Variants in DNAH11 observed in about 807,000 individuals in gnomAD.
DNAH11 encodes the protein axonemal beta dynein heavy chain 11.
In DNAH11, 442 loss-of-function variants were observed where a neutral mutation model predicts 526.0. The observed-to-expected ratio is 0.84, with a 90% confidence interval of 0.78 to 0.91. The LOEUF is 0.91. Among genes scored for constraint, DNAH11 ranks in the 40% least tolerant of loss-of-function variants. The pLI is 0.00. For synonymous variants in DNAH11, 2,461 were observed against 1,935.9 expected (o/e 1.27, Z -7.12); for missense variants, 6,989 against 5,448.7 (o/e 1.28, Z -8.90).
At chr7:21,690,233 C>G (rs1202191218) in intron 34 of DNAH11, among the ~76,000 whole-genome samples, 1 of 152,130 alleles carries the variant, frequency 6.6e-6, no homozygotes, top group Non-Finnish European at 1.5e-5. Context: ...TGCCTGGTAT[C>G]TGAATACTCA....
intron 76 of DNAH11, 105 bp downstream of exon 76, chr7:21,884,515 A>T (rs1784049468): frequency 8.1e-7 from 1 of 1,232,130 alleles, no homozygotes; most frequent in Non-Finnish European, 1.1e-6. Context: ...AATGTTATTG[A>T]GGATGCTTGG....
At chr7:21,575,475 T>C (rs1784055251) in intron 8 of DNAH11, among the ~76,000 whole-genome samples, 1 of 152,272 alleles carries the variant, frequency 6.6e-6, no homozygotes, top group African/African-American at 2.4e-5. Context: ...TGTCACTCAC[T>C]GAACTATTCT....
At chr7:21,815,332 C>T (rs1789733419) in intron 63 of DNAH11, among the ~76,000 whole-genome samples, 1 of 152,170 alleles carries the variant, frequency 6.6e-6, no homozygotes, top group African/African-American at 2.4e-5. Flanking sequence ...TCTAAGGGAA[C>T]TATGTATCAA....
At chr7:21,853,326 C>T (rs1217944521) in intron 67 of DNAH11, among the ~76,000 whole-genome samples, 3 of 152,168 alleles carry the variant, frequency 2.0e-5, no homozygotes, top group African/African-American at 7.2e-5. Context: ...ATTAATTACC[C>T]AGCAGAAGCT....
rs1209380668 is a variant in DNAH11, at chr7:21,773,952, G to T, written c.9289G>T (p.Glu3097Ter). Residue 3097 changes from glutamate (E) to a stop codon, truncating the protein, a stop_gained, in exon 56 of 82, where the codon GAA becomes TAA. Coordinates refer to ENST00000409508, the MANE Select transcript of DNAH11 (RefSeq NM_001277115.2). LOFTEE classifies it high-confidence loss of function. ...KKQNEVSEKK[E>*]RLVNGIQKLK... is the part of the protein sequence containing the mutation. ...GCAAAATGAGGTATCCGAGAAAAAA[G>T]AACGCCTGGTGAACGGCATCCAAAA... 1 of 1,572,996 alleles carries T rather than the reference G, an allele frequency of 6.4e-7. No homozygotes were observed.
intron 36 of DNAH11, among the ~76,000 whole-genome samples, chr7:21,699,502 C>G (rs1027723365): frequency 6.6e-6 from 1 of 152,160 alleles, no homozygotes; most frequent in Non-Finnish European, 1.5e-5. Context: ...GTTGCAACCA[C>G]ACAGTTACCT....
intron 65 of DNAH11, among the ~76,000 whole-genome samples, chr7:21,830,434 G>C (rs1295661651): frequency 6.6e-6 from 1 of 152,158 alleles, no homozygotes; most frequent in Non-Finnish European, 1.5e-5. Context: ...AACTGTGTCT[G>C]TTGTTTTTCT....
In DNAH11 at chr7:21,748,589, C is replaced by A; in HGVS notation, c.8520C>A (p.Ile2840=). 1 of 1,534,512 alleles carries A rather than the reference C, an allele frequency of 6.5e-7. No homozygotes were observed. Among genetic ancestry groups the A allele is most frequent in the Admixed American group, 2.0e-5 (1 of 50,426 alleles). ...CGCTTCCTTTCCTCAGGTGTCGCATCAGCCGGATCTTACGAACCCCTCAGG... is the reference window on the plus strand; with the variant it reads ...CGCTTCCTTTCCTCAGGTGTCGCATAAGCCGGATCTTACGAACCCCTCAGG... The part of the protein sequence containing the change: ...FEDAMQHVCR[I]SRILRTPQGC... The change falls in exon 52 of 82, where the codon ATC becomes ATA. Residue 2840 remains isoleucine (I), a synonymous_variant. Coordinates refer to ENST00000409508, the MANE Select transcript of DNAH11 (RefSeq NM_001277115.2).
At chr7:21,900,971 T>A in intron 81 of DNAH11, 36 bp from the exon 82 acceptor site, 1 of 1,534,242 alleles carries the variant, frequency 6.5e-7, no homozygotes, top group East Asian at 2.3e-5. Context: ...AGTAGCAAGC[T>A]GCCACACAAT....
chr7:21,619,656 G>A (rs963518172), intron 24 of DNAH11, among the ~76,000 whole-genome samples: 2 of 152,120 alleles, frequency 1.3e-5, no homozygotes, highest in African/African-American at 4.8e-5. Flanking sequence ...TGGCTAATTT[G>A]TAAATAGTAT....
At chr7:21,758,291 C>T (rs558648387) in intron 54 of DNAH11, among the ~76,000 whole-genome samples, 3 of 152,290 alleles carry the variant, frequency 2.0e-5, no homozygotes, top group South Asian at 2.1e-4. Context: ...AAGGTGCAAC[C>T]TTGTACTCTG....
At chr7:21,854,638 A>C (rs1227129249) in intron 68 of DNAH11, among the ~76,000 whole-genome samples, 183 bp downstream of exon 68, 3 of 151,712 alleles carry the variant, frequency 2.0e-5, no homozygotes, top group African/African-American at 7.3e-5. Flanking sequence ...TGCCTCCCAT[A>C]TTCAAGCAAT....
At chr7:21,865,351 T>G (rs1783231001) in intron 70 of DNAH11, among the ~76,000 whole-genome samples, 1 of 152,336 alleles carries the variant, frequency 6.6e-6, no homozygotes, top group South Asian at 2.1e-4. Flanking sequence ...GTAATTAGAT[T>G]GTAACTTTAG....
chr7:21,749,326 A>T (rs186531829), intron 52 of DNAH11, among the ~76,000 whole-genome samples: 2 of 152,242 alleles, frequency 1.3e-5, no homozygotes, highest in Non-Finnish European at 2.9e-5. Context: ...TCGAAAAAAT[A>T]GGACAGTTGT....
Position 21,564,242 on chromosome 7 carries a change from C to G in DNAH11, c.1039C>G (p.Gln347Glu). 6.2e-7 allele frequency: 1 copy of G among 1,613,044 alleles called. No homozygotes were observed. The highest frequency in any genetic ancestry group is 8.5e-7 in the Non-Finnish European group (1 of 1,179,326). The change falls in exon 6 of 82, where the codon CAG becomes GAG. Residue 347 changes from glutamine (Q) to glutamate (E), a missense_variant. Transcript: ENST00000409508. ...CCTGAGACCTCTGAGGAGACACATC[C>G]AGTGTCTCCAGGAGACGGAATTCCC... ...LYLRPLRRHI[Q>E]CLQETEFPQT...
chr7:21,872,275 C>T (rs1783533348), intron 73 of DNAH11, among the ~76,000 whole-genome samples: 1 of 151,750 alleles, frequency 6.6e-6, no homozygotes, highest in South Asian at 2.1e-4. Flanking sequence ...TAATTCTGCC[C>T]ACCACATCTA....
chr7:21,609,354 C>T (rs1286597148), intron 20 of DNAH11, among the ~76,000 whole-genome samples: 2 of 151,922 alleles, frequency 1.3e-5, no homozygotes, highest in African/African-American at 4.8e-5. Flanking sequence ...TAGCTGGGAC[C>T]ACAGACAGGC....
intron 41 of DNAH11, 30 bp from the exon 42 acceptor site, chr7:21,711,682 C>T: frequency 6.3e-7 from 1 of 1,598,936 alleles, no homozygotes; most frequent in Non-Finnish European, 8.5e-7. Flanking sequence ...TTGCTTTTGC[C>T]CATGGGTGAC....
At chr7:21,791,861 A>G (rs935699032) in intron 61 of DNAH11, among the ~76,000 whole-genome samples, 2 of 152,210 alleles carry the variant, frequency 1.3e-5, no homozygotes, top group African/African-American at 2.4e-5. Flanking sequence ...TTGGTGTGTT[A>G]GTCTGTTCTC....
Sources: allele counts gnomAD v4.1 joint callset (sites outside exome capture counted in the v4.1 genomes callset), GRCh38; gene constraint gnomAD v4.1.1; transcripts MANE v1.5; gene names NCBI Gene and HGNC (gene_info 2026-07-23, HGNC 2026-07-21).